HECTD4: variants seen among roughly 807,000 people sequenced by gnomAD.
HECTD4 encodes HECT domain E3 ubiquitin protein ligase 4.
A neutral mutation model predicts 471.5 loss-of-function variants in HECTD4; 114 were observed. That is an observed-to-expected ratio of 0.24 (90% CI 0.21 to 0.28). The LOEUF is 0.28. HECTD4 is among the 10% of genes least tolerant of loss of function. The probability of loss-of-function intolerance (pLI) is 1.00; values close to 1 mark genes in which losing one functional copy is unlikely to be tolerated. For missense variants in HECTD4, 3,866 were observed against 5,651.5 expected, an observed-to-expected ratio of 0.68 and a Z score of 10.13; for synonymous variants, 2,012 against 2,256.0, an observed-to-expected ratio of 0.89 and a Z score of 3.07.
intron 7 of HECTD4, among the ~76,000 whole-genome samples, chr12:112,296,786 TGGTGTAGGTGCAGAG>T (rs2035032491): frequency 8.4e-5 from 5 of 59,592 alleles, no homozygotes; most frequent in Admixed American, 3.3e-4. Context: ...TAGGTGCAGA[TGGTGTAGGTGCAGAG>T]GGTGTAGGTG....
chr12:112,315,978 G>T (rs949169288), intron 2 of HECTD4, among the ~76,000 whole-genome samples: 1 of 151,390 alleles, frequency 6.6e-6, no homozygotes, highest in African/African-American at 2.4e-5. Flanking sequence ...CTCAAGAGAT[G>T]CTCCTGCTTT....
At chr12:112,287,283 A>C (rs1278064322) in intron 7 of HECTD4, among the ~76,000 whole-genome samples, 2 of 152,160 alleles carry the variant, frequency 1.3e-5, no homozygotes, top group Non-Finnish European at 2.9e-5. Flanking sequence ...CCCATACTCT[A>C]ATATAAGCTC....
At chr12:112,244,043 C>G (rs2033701322) in intron 29 of HECTD4, 34 bp from the exon 30 acceptor site, 1 of 1,610,402 alleles carries the variant, frequency 6.2e-7, no homozygotes, top group Admixed American at 1.7e-5. Flanking sequence ...GCTGACATTT[C>G]TGCTATCTGT....
chr12:112,176,192 G>T (rs987552375), intron 65 of HECTD4, among the ~76,000 whole-genome samples: 2 of 152,208 alleles, frequency 1.3e-5, no homozygotes, highest in Non-Finnish European at 2.9e-5. Flanking sequence ...TGCTGCCTGG[G>T]CCTTTCTGGA....
Position 112,235,848 on chromosome 12 carries a change from A to C in HECTD4, c.5445-64T>G. The C allele has an allele frequency of 4.4e-6, 6 of 1,365,374 alleles. No homozygotes were observed. The South Asian group carries it at 7.2e-5, about 16-fold the overall frequency. 84.6% of individuals were successfully genotyped at this position (1,365,374 alleles called of 1,614,324 possible). On this transcript the variant is annotated intron_variant, in intron 35 of 75. Transcript: ENST00000682272. The surrounding 1 kb of genome is among the most constrained non-coding windows in gnomAD (Gnocchi z 5.0). ...TGTTGATCTATAGACATTCAGAAGC[A>C]AGAGTTCTCTGAATGAAACAAACCA... is the stretch of plus-strand genomic sequence containing the variant.
intron 7 of HECTD4, among the ~76,000 whole-genome samples, chr12:112,289,163 G>A (rs759108637): frequency 2.6e-5 from 4 of 151,904 alleles, no homozygotes; most frequent in Admixed American, 6.6e-5. Flanking sequence ...GCAGTGGCAC[G>A]ATCATGGCTC....
intron 12 of HECTD4, 112 bp downstream of exon 12, chr12:112,270,115 G>A: frequency 1.1e-6 from 1 of 908,180 alleles, no homozygotes; most frequent in African/African-American, 1.7e-5. Flanking sequence ...GTGGTAAGAT[G>A]CAGAACAGGA....
In HECTD4 at chr12:112,232,508, C is replaced by T. The variant is rs1009007982; in HGVS notation, c.5997+496G>A. 3.9e-5 allele frequency among the ~76,000 whole-genome samples: 6 copies of T among 152,082 alleles called. No individual in the cohort carries two copies. In the East Asian group the frequency reaches 1.2e-3, roughly 29 times the overall value. ...CCTGGACACTTGAGACTTTATTTACCCTCACCTTGACAATAAAGGGTATTA... is the reference window on the plus strand; with the variant it reads ...CCTGGACACTTGAGACTTTATTTACTCTCACCTTGACAATAAAGGGTATTA... On this transcript the variant is annotated intron_variant, in intron 38 of 75. Coordinates refer to ENST00000682272, the MANE Select transcript of HECTD4 (RefSeq NM_001388303.1).
Position 112,232,460 on chromosome 12 carries a change from G to A in HECTD4, c.5997+544C>T, listed in dbSNP as rs532666823. On this transcript the variant is annotated intron_variant, in intron 38 of 75. Coordinates refer to ENST00000682272, the MANE Select transcript of HECTD4 (RefSeq NM_001388303.1). ...TGTTTGTTTTTTCAAACAAAACTGT[G>A]AAGAACACCCTGTGTGTCTCTCCCT... Among the ~76,000 whole-genome samples the A allele has an allele frequency of 5.3e-5, 8 of 152,244 alleles. No individual in the cohort carries two copies. The South Asian group carries it at 1.4e-3, about 28-fold the overall frequency.
intron 38 of HECTD4, among the ~76,000 whole-genome samples, chr12:112,232,506 A>C (rs2033406588): frequency 6.6e-6 from 1 of 151,918 alleles, no homozygotes; most frequent in Non-Finnish European, 1.5e-5. Context: ...GACTTTATTT[A>C]CCCTCACCTT....
At position 112,184,401 on chromosome 12, in the gene HECTD4, G is replaced by A. The variant is rs1195614592; in HGVS notation, c.10565C>T (p.Pro3522Leu). ...LPAGLELPIP[P>L]GLLEPHAVSS... ...CACCGCGTGGGGCTCCAACAGGCCC[G>A]GAGGGATGGGCAGCTCGAGGCCGGC... Residue 3522 changes from proline to leucine, a missense_variant, in exon 61 of 76, where the codon CCG (proline) becomes CTG (leucine). Physicochemically the swap from Pro to Leu is moderately conservative, Grantham distance 98. Coordinates refer to ENST00000682272, the MANE Select transcript of HECTD4 (RefSeq NM_001388303.1). The surrounding 1 kb of genome is among the most constrained non-coding windows in gnomAD (Gnocchi z 9.1). 5 of 1,607,954 alleles carry A rather than the reference G, an allele frequency of 3.1e-6. No homozygotes were observed. Among genetic ancestry groups the A allele is most frequent in the Non-Finnish European group, 3.4e-6 (4 of 1,178,082 alleles).
intron 13 of HECTD4, among the ~76,000 whole-genome samples, chr12:112,268,419 C>T (rs2034329381): frequency 6.6e-6 from 1 of 152,176 alleles, no homozygotes; most frequent in Non-Finnish European, 1.5e-5. Flanking sequence ...CTCTCTTGGA[C>T]ACTAAATTAT....
At chr12:112,340,162 A>G (rs544470007) in intron 1 of HECTD4, among the ~76,000 whole-genome samples, 6 of 152,350 alleles carry the variant, frequency 3.9e-5, no homozygotes, top group Non-Finnish European at 7.3e-5. Flanking sequence ...ATAATTAATA[A>G]TAAAAAATTG....
chr12:112,311,253 G>T (rs1239840446), intron 4 of HECTD4, among the ~76,000 whole-genome samples: 1 of 149,772 alleles, frequency 6.7e-6, no homozygotes, highest in Non-Finnish European at 1.5e-5. Context: ...CAAGAGCGAA[G>T]CTCTGTCTCA....
intron 52 of HECTD4, among the ~76,000 whole-genome samples, chr12:112,206,187 G>A (rs1206865661): frequency 6.6e-6 from 1 of 152,180 alleles, no homozygotes; most frequent in Non-Finnish European, 1.5e-5. Context: ...CAGTGCCCAG[G>A]ACGTTGTGGG....
chr12:112,373,116 A>G (rs775592016), intron 1 of HECTD4, among the ~76,000 whole-genome samples: 1 of 152,170 alleles, frequency 6.6e-6, no homozygotes, highest in Non-Finnish European at 1.5e-5. Flanking sequence ...AGTATAACAT[A>G]ATAGTTCAAG....
At chr12:112,373,773 G>A (rs568732286) in intron 1 of HECTD4, among the ~76,000 whole-genome samples, 3 of 152,056 alleles carry the variant, frequency 2.0e-5, no homozygotes, top group East Asian at 3.9e-4. Flanking sequence ...GGGAGGCTGA[G>A]GTGGGCAGAT....
chr12:112,370,292 T>C (rs1296422192), intron 1 of HECTD4, among the ~76,000 whole-genome samples: 1 of 152,238 alleles, frequency 6.6e-6, no homozygotes, highest in Non-Finnish European at 1.5e-5. Context: ...GCTTGACTTT[T>C]AGCCCAGTGA....
chr12:112,273,483 A>G (rs1208125193), intron 11 of HECTD4, among the ~76,000 whole-genome samples, 172 bp downstream of exon 11: 2 of 152,202 alleles, frequency 1.3e-5, no homozygotes, highest in Non-Finnish European at 2.9e-5. Flanking sequence ...ACTTAATCAT[A>G]ACTCATCTTT....
Sources: gnomAD v4.1 joint callset for allele counts (sites outside exome capture counted in the v4.1 genomes callset) on GRCh38, gnomAD v4.1.1 for gene constraint, Gnocchi (gnomAD v3.1) non-coding constraint, MANE v1.5 for transcripts, NCBI Gene and HGNC (gene_info 2026-07-23, HGNC 2026-07-21) for gene names.